DLGAP2: variants seen among roughly 807,000 people sequenced by gnomAD.
DLGAP2 encodes the protein disks large-associated protein 2.
In DLGAP2, 26 loss-of-function variants were observed where a neutral mutation model predicts 100.3. That is an observed-to-expected ratio of 0.26 (90% confidence interval 0.19 to 0.36). The LOEUF is 0.36. DLGAP2 is among the 10% of genes least tolerant of loss of function. The pLI, the probability that DLGAP2 is intolerant of heterozygous loss-of-function variation, is 1.00. For missense variants in DLGAP2, 1,858 were observed against 1,453.2 expected, an observed-to-expected ratio of 1.28 and a Z score of -4.53; for synonymous variants, 886 against 630.1, an observed-to-expected ratio of 1.41 and a Z score of -6.08.
At chr8:959,387 G>C (rs1173135044) in intron 2 of DLGAP2, among the ~76,000 whole-genome samples, 2 of 152,172 alleles carry the variant, frequency 1.3e-5, no homozygotes, top group Admixed American at 1.3e-4. Flanking sequence ...CAGAGAAACG[G>C]CCCTGTCCTG....
Position 1,549,540 on chromosome 8 carries a change from G to A in DLGAP2, c.1087G>A (p.Ala363Thr). ...ACEGLALTPD[A>T]KYLKRSSWST... Reference sequence around the variant, plus strand: ...TGAGGGGTTGGCGCTGACGCCCGACGCCAAGTACCTGAAGCGCAGCTCCTG... The same window carrying A: ...TGAGGGGTTGGCGCTGACGCCCGACACCAAGTACCTGAAGCGCAGCTCCTG... Residue 363 changes from alanine to threonine, a missense_variant, in exon 5 of 15, where the codon GCC becomes ACC. By Grantham distance (58) the Ala-to-Thr change is moderately conservative. Transcript: ENST00000637795. 3 of 1,613,300 alleles carry A rather than the reference G, an allele frequency of 1.9e-6. No individual in the cohort carries two copies. Among genetic ancestry groups the A allele is most frequent in the South Asian group, 2.2e-5 (2 of 91,078 alleles).
At position 1,298,497 on chromosome 8, in the gene DLGAP2, C is replaced by A. The variant is rs146568529; in HGVS notation, c.106+39614C>A. Among the ~76,000 whole-genome samples the A allele has an allele frequency of 4.4e-3, 663 of 152,258 alleles. 7 individuals carry two copies. The highest frequency in any genetic ancestry group is 0.015 in the African/African-American group (634 of 41,538). On this transcript the variant is annotated intron_variant, in intron 3 of 14. Transcript: ENST00000637795. ...CACACAGGAGGGAGCTGAGTGTGCT[C>A]CTCTGGCCCCGGAGAGTGCTGAGAG...
intron 2 of DLGAP2, among the ~76,000 whole-genome samples, chr8:943,954 A>G (rs553999539): frequency 1.3e-5 from 2 of 152,374 alleles, no homozygotes; most frequent in African/African-American, 4.8e-5. Flanking sequence ...TTGAAGATCA[A>G]TAGTGAAGAC....
chr8:1,322,733 G>C (rs1028246573), intron 3 of DLGAP2, among the ~76,000 whole-genome samples: 1 of 152,226 alleles, frequency 6.6e-6, no homozygotes, highest in Non-Finnish European at 1.5e-5. Flanking sequence ...ATGATTCCCT[G>C]CGTTTCTTGC....
intron 3 of DLGAP2, among the ~76,000 whole-genome samples, chr8:1,303,159 A>G (rs1234576580): frequency 3.9e-5 from 6 of 152,172 alleles, no homozygotes; most frequent in African/African-American, 1.2e-4. Context: ...GCACTTTGGA[A>G]GGCCGAGGCG....
At chr8:1,108,452 G>C (rs1204288670) in intron 2 of DLGAP2, among the ~76,000 whole-genome samples, 1 of 152,188 alleles carries the variant, frequency 6.6e-6, no homozygotes, top group Non-Finnish European at 1.5e-5. Context: ...GTGAGTGCAC[G>C]TGCCTGTGAT....
At chr8:1,212,970 TATTATATGCC>T (rs1798137165) in intron 2 of DLGAP2, among the ~76,000 whole-genome samples, 1 of 152,128 alleles carries the variant, frequency 6.6e-6, no homozygotes, top group South Asian at 2.1e-4. Flanking sequence ...TTATTCTATT[TATTATATGCC>T]ATTGTTGCTC....
intron 7 of DLGAP2, among the ~76,000 whole-genome samples, chr8:1,630,526 C>T (rs535219853): frequency 1.3e-5 from 2 of 152,110 alleles, no homozygotes; most frequent in Admixed American, 6.5e-5. Flanking sequence ...CATGGTGAAA[C>T]CTCGTCTCTA....
chr8:1,217,616 C>T, intron 2 of DLGAP2, among the ~76,000 whole-genome samples: 1 of 152,092 alleles, frequency 6.6e-6, no homozygotes, highest in Non-Finnish European at 1.5e-5. Context: ...AGAGACCTTT[C>T]ACCTCCCTGG....
intron 3 of DLGAP2, among the ~76,000 whole-genome samples, chr8:1,491,407 C>CAGGCTGCTCCCCCGATCCCGGAGGCTTG (rs1799384703): frequency 6.6e-6 from 1 of 152,252 alleles, no homozygotes; most frequent in East Asian, 1.9e-4. Flanking sequence ...TCGGAGGCTT[C>CAGGCTGCTCCCCCGATCCCGGAGGCTTG]CGGCTGCTCC....
chr8:1,615,512 C>T (rs1797120526), intron 6 of DLGAP2, among the ~76,000 whole-genome samples: 1 of 152,154 alleles, frequency 6.6e-6, no homozygotes, highest in Non-Finnish European at 1.5e-5. Flanking sequence ...TTTAAACAGC[C>T]ATTGTAAGGT....
At chr8:1,027,613 G>C (rs544217074) in intron 2 of DLGAP2, among the ~76,000 whole-genome samples, 44 of 146,254 alleles carry the variant, frequency 3.0e-4, no homozygotes, top group African/African-American at 1.1e-3. Flanking sequence ...TATTCTCCAG[G>C]TGGGGTGTCA....
chr8:953,356 G>A (rs928685627), intron 2 of DLGAP2, among the ~76,000 whole-genome samples: 1 of 152,024 alleles, frequency 6.6e-6, no homozygotes. Context: ...ACCACGCCCG[G>A]CTAATTTTTG....
chr8:1,533,218 A>G (rs1399192486), intron 4 of DLGAP2, among the ~76,000 whole-genome samples: 2 of 152,034 alleles, frequency 1.3e-5, no homozygotes, highest in African/African-American at 4.8e-5. Flanking sequence ...ATGTTTTTCA[A>G]CCGGGCGCAG....
At chr8:1,090,570 T>C (rs1025584863) in intron 2 of DLGAP2, among the ~76,000 whole-genome samples, 3 of 152,236 alleles carry the variant, frequency 2.0e-5, no homozygotes, top group Non-Finnish European at 4.4e-5. Flanking sequence ...ACAGGGGGTT[T>C]GTCCTGTGGG....
chr8:1,512,744 C>T lies in DLGAP2; in HGVS notation c.172+11313C>T, dbSNP rs942617320. Among the ~76,000 whole-genome samples, 4 of 152,256 alleles carry T rather than the reference C, an allele frequency of 2.6e-5. No individual in the cohort carries two copies. The East Asian group carries it at 7.7e-4, about 29-fold the overall frequency. Reference sequence around the variant, plus strand: ...GTGTCCATGGAGTAGAGATCTCAGACTTCGCAGCTTTGACTTATCAATCTA... The same window carrying T: ...GTGTCCATGGAGTAGAGATCTCAGATTTCGCAGCTTTGACTTATCAATCTA... On this transcript the variant is annotated intron_variant, in intron 4 of 14. Transcript: ENST00000637795.
chr8:1,273,117 A>G (rs1425769327), intron 3 of DLGAP2, among the ~76,000 whole-genome samples: 1 of 152,196 alleles, frequency 6.6e-6, no homozygotes, highest in Non-Finnish European at 1.5e-5. Context: ...AAAAATGAGT[A>G]AATAGTAGCT....
At chr8:1,501,463 G>C in intron 4 of DLGAP2, 32 bp downstream of exon 4, 1 of 1,534,002 alleles carries the variant, frequency 6.5e-7, no homozygotes, top group Middle Eastern at 1.8e-4. Context: ...CGCTCTGGCG[G>C]GGCCCGGACA....
intron 3 of DLGAP2, among the ~76,000 whole-genome samples, chr8:1,499,918 G>C (rs1474475764): frequency 8.1e-6 from 1 of 123,470 alleles, no homozygotes; most frequent in Non-Finnish European, 1.6e-5. Flanking sequence ...AGTGGCTCCA[G>C]CATCACACTC....
Sources: gnomAD v4.1 joint callset for allele counts (sites outside exome capture counted in the v4.1 genomes callset) on GRCh38, gnomAD v4.1.1 for gene constraint, MANE v1.5 for transcripts, NCBI Gene and HGNC (gene_info 2026-07-23, HGNC 2026-07-21) for gene names.